Variants in PTPRG observed in about 807,000 individuals in gnomAD.
PTPRG encodes the protein protein tyrosine phosphatase receptor type G, also known as receptor-type tyrosine-protein phosphatase gamma.
In PTPRG, 102 loss-of-function variants were observed where a neutral mutation model predicts 165.3. The observed-to-expected ratio is 0.62, with a 90% confidence interval of 0.53 to 0.73. The LOEUF (loss-of-function observed/expected upper bound fraction) is 0.73, where lower values mean the gene tolerates loss of function less well. PTPRG is among the 30% of genes least tolerant of loss of function. The probability of loss-of-function intolerance (pLI) is 0.00; values close to 1 mark genes in which losing one functional copy is unlikely to be tolerated. For synonymous variants in PTPRG, 675 were observed against 669.5 expected (o/e 1.01, Z -0.13); for missense variants, 1,866 against 1,861.4 (o/e 1.00, Z -0.05).
At position 62,293,240 on chromosome 3, in the gene PTPRG, A is replaced by G; in HGVS notation, c.4271A>G (p.Asp1424Gly). 6.2e-7 allele frequency: 1 copy of G among 1,612,360 alleles called. No individual in the cohort carries two copies. Among genetic ancestry groups the G allele is most frequent in the Non-Finnish European group, 8.5e-7 (1 of 1,179,274 alleles). The change falls in exon 30 of 30, where the codon GAC becomes GGC. Residue 1424 changes from aspartate to glycine, a missense_variant. Transcript: ENST00000474889. The part of the protein sequence containing the change: ...KENGNGPMTV[D>G]KNGAVLIADE... ...AATGGAAATGGTCCCATGACAGTAG[A>G]CAAAAATGGTGCTGTTCTTATTGCA...
rs548272039 is a variant in PTPRG, at chr3:61,960,933, G to A, written c.191-28692G>A. 7.9e-5 allele frequency among the ~76,000 whole-genome samples: 12 copies of A among 152,214 alleles called. 1 individual carries two copies. The South Asian group carries it at 2.5e-3, about 32-fold the overall frequency. ...ATCCTAGACCCTTCACTGATCAGCT[G>A]TGTTAACTTGGGCCAGTTACTCAAT... On this transcript the variant is annotated intron_variant, in intron 2 of 29. Coordinates refer to ENST00000474889, the MANE Select transcript of PTPRG (RefSeq NM_002841.4).
intron 1 of PTPRG, among the ~76,000 whole-genome samples, chr3:61,686,775 A>G (rs529474423): frequency 2.1e-4 from 32 of 152,220 alleles, no homozygotes; most frequent in African/African-American, 4.1e-4. Context: ...CGAAATCTCT[A>G]TTTCCCTAGA....
At chr3:61,988,660 TG>T (rs2040818954) in intron 2 of PTPRG, among the ~76,000 whole-genome samples, 1 of 152,212 alleles carries the variant, frequency 6.6e-6, no homozygotes, top group South Asian at 2.1e-4. Context: ...CTAAAAATTG[TG>T]AAGTTTTTTT....
intron 1 of PTPRG, among the ~76,000 whole-genome samples, chr3:61,655,540 T>A (rs779118018): frequency 1.3e-5 from 2 of 152,208 alleles, no homozygotes; most frequent in Non-Finnish European, 2.9e-5. Context: ...AACTTTTTCT[T>A]GAAGATATGT....
Position 62,296,284 on chromosome 3 carries a change from C to T in PTPRG, c.*2977C>T, listed in dbSNP as rs894771159. ...AGTCTATTCAAGTAGAAGAGTCCAG[C>T]GAGGCCAAAGAAGGGTTACGGTGTT... is the stretch of plus-strand genomic sequence containing the variant. On this transcript the variant is annotated 3_prime_UTR_variant, in exon 30 of 30. Transcript: ENST00000474889. 5.9e-5 allele frequency: 9 copies of T among 151,732 alleles called. No homozygotes were observed. The highest frequency in any genetic ancestry group is 3.9e-4 in the East Asian group (2 of 5,160). 9.4% of individuals were successfully genotyped at this position (151,732 alleles called of 1,614,324 possible).
chr3:61,919,485 C>T (rs1024627471), intron 2 of PTPRG, among the ~76,000 whole-genome samples: 3 of 152,074 alleles, frequency 2.0e-5, no homozygotes, highest in Non-Finnish European at 4.4e-5. Flanking sequence ...CAGCTTTGTG[C>T]CTCCCTCCAC....
intron 2 of PTPRG, among the ~76,000 whole-genome samples, chr3:61,908,487 T>G (rs997240071): frequency 2.6e-5 from 4 of 151,882 alleles, no homozygotes; most frequent in Non-Finnish European, 4.4e-5. Flanking sequence ...GGGAGGTCAT[T>G]GGCTGCATTT....
chr3:61,918,372 A>G (rs1469015831), intron 2 of PTPRG, among the ~76,000 whole-genome samples: 17 of 152,176 alleles, frequency 1.1e-4, no homozygotes, highest in Admixed American at 1.0e-3. Context: ...GTATATATAT[A>G]TATACACACA....
At chr3:62,033,628 ATGT>A (rs1225753154) in intron 4 of PTPRG, among the ~76,000 whole-genome samples, 1 of 148,062 alleles carries the variant, frequency 6.8e-6, no homozygotes, top group East Asian at 2.0e-4. Context: ...GCCTCCCAAA[ATGT>A]TGTGATGACA....
intron 2 of PTPRG, among the ~76,000 whole-genome samples, chr3:61,966,460 T>G (rs2040274654): frequency 6.6e-6 from 1 of 151,936 alleles, no homozygotes; most frequent in African/African-American, 2.4e-5. Flanking sequence ...TGATAGGTTG[T>G]GAACCATACC....
At chr3:62,264,941 C>T (rs2148862854) in intron 17 of PTPRG, among the ~76,000 whole-genome samples, 1 of 148,736 alleles carries the variant, frequency 6.7e-6, no homozygotes, top group Admixed American at 6.7e-5. Context: ...TTTCCACATC[C>T]TCACCAACTC....
At chr3:62,054,120 T>C (rs1289821123) in intron 4 of PTPRG, among the ~76,000 whole-genome samples, 1 of 152,188 alleles carries the variant, frequency 6.6e-6, no homozygotes, top group African/African-American at 2.4e-5. Context: ...CTGTCCCTTT[T>C]TGTCTATTTG....
At chr3:62,133,855 C>T (rs938031127) in intron 6 of PTPRG, among the ~76,000 whole-genome samples, 13 of 151,994 alleles carry the variant, frequency 8.6e-5, no homozygotes, top group Non-Finnish European at 1.9e-4. Context: ...TAGTGATAGG[C>T]GCCTATAATC....
At chr3:61,892,749 G>A (rs1237279361) in intron 2 of PTPRG, among the ~76,000 whole-genome samples, 1 of 151,688 alleles carries the variant, frequency 6.6e-6, no homozygotes, top group Non-Finnish European at 1.5e-5. Flanking sequence ...CCGGGAGGGG[G>A]AGGTTGCAGT....
intron 6 of PTPRG, among the ~76,000 whole-genome samples, chr3:62,155,559 A>G (rs1399841121): frequency 3.9e-5 from 6 of 152,246 alleles, no homozygotes; most frequent in Admixed American, 2.0e-4. Context: ...CCTCTTGCAT[A>G]TAATAAGTGC....
At chr3:62,132,460 G>C (rs368593824) in intron 5 of PTPRG, 142 bp from the exon 6 acceptor site, 2 of 646,176 alleles carry the variant, frequency 3.1e-6, no homozygotes, top group African/African-American at 3.6e-5. Context: ...TCCTGCATTT[G>C]GTGAGAGCCA....
At chr3:61,980,080 T>A (rs896129274) in intron 2 of PTPRG, among the ~76,000 whole-genome samples, 2 of 152,152 alleles carry the variant, frequency 1.3e-5, no homozygotes, top group Non-Finnish European at 2.9e-5. Context: ...AGCATCTTTT[T>A]AAATATTAAA....
chr3:62,017,180 T>C (rs956243128), intron 4 of PTPRG, among the ~76,000 whole-genome samples: 2 of 152,156 alleles, frequency 1.3e-5, no homozygotes, highest in Non-Finnish European at 1.5e-5. Flanking sequence ...AGCATTCTTG[T>C]ATTGTATTCT....
chr3:61,819,628 T>C (rs986261809), intron 2 of PTPRG, among the ~76,000 whole-genome samples: 3 of 152,192 alleles, frequency 2.0e-5, no homozygotes, highest in Non-Finnish European at 2.9e-5. Context: ...TAGGGAACTT[T>C]AGTCTGATCA....
Sources: gnomAD v4.1 joint callset for allele counts (sites outside exome capture counted in the v4.1 genomes callset) on GRCh38, gnomAD v4.1.1 for gene constraint, MANE v1.5 for transcripts, NCBI Gene and HGNC (gene_info 2026-07-23, HGNC 2026-07-21) for gene names.